The following MAGI1 variants were observed in gnomAD, a reference collection of about 807,000 sequenced individuals.
MAGI1 encodes membrane associated guanylate kinase, WW and PDZ domain containing 1, also known as membrane-associated guanylate kinase, WW and PDZ domain-containing protein 1.
MAGI1 carries 58 observed loss-of-function variants against 139.9 expected under a neutral mutation model. The observed-to-expected ratio is 0.41, with a 90% confidence interval of 0.34 to 0.52. The LOEUF is 0.52. Ranked by LOEUF, MAGI1 falls within the 20% of genes least tolerant of loss-of-function variation. MAGI1 has a pLI of 0.12. For missense variants in MAGI1, 1,874 were observed against 1,901.6 expected, an observed-to-expected ratio of 0.99 and a Z score of 0.27; for synonymous variants, 812 against 737.9, an observed-to-expected ratio of 1.10 and a Z score of -1.63.
chr3:65,461,346 G>A (rs963117021), intron 5 of MAGI1, among the ~76,000 whole-genome samples: 6 of 151,962 alleles, frequency 3.9e-5, no homozygotes, highest in African/African-American at 4.8e-5. Flanking sequence ...CTCCTGAGTA[G>A]CTGGAACTAT....
intron 1 of MAGI1, among the ~76,000 whole-genome samples, chr3:65,797,316 AC>A (rs905530410): frequency 3.9e-5 from 6 of 152,214 alleles, no homozygotes; most frequent in African/African-American, 1.4e-4. Context: ...GGGGCAGGAT[AC>A]CTGTAAAGAG....
At chr3:65,638,888 T>G (rs9855752) in intron 1 of MAGI1, among the ~76,000 whole-genome samples, 9,218 of 152,048 alleles carry the variant, frequency 0.061, 923 homozygotes, top group African/African-American at 0.21. Context: ...ATTACAAGCG[T>G]GAGCCACCAG....
chr3:65,783,505 T>C (rs1236888007), intron 1 of MAGI1, among the ~76,000 whole-genome samples: 1 of 151,752 alleles, frequency 6.6e-6, no homozygotes, highest in African/African-American at 2.4e-5. Flanking sequence ...AAAAAATTTG[T>C]CTTGAGACAG....
At chr3:65,401,372 TCCCACCTCCAGCCC>T in intron 13 of MAGI1, 53 bp downstream of exon 13, 1 of 778,302 alleles carries the variant, frequency 1.3e-6, no homozygotes, top group Non-Finnish European at 2.1e-6. Context: ...CAGAGTACCC[TCCCACCTCCAGCCC>T]CCCACCATCC....
At chr3:65,367,787 T>G (rs1941577478) in intron 18 of MAGI1, among the ~76,000 whole-genome samples, 1 of 152,190 alleles carries the variant, frequency 6.6e-6, no homozygotes, top group African/African-American at 2.4e-5. Flanking sequence ...GAATCATGTG[T>G]TGGTATTGAG....
intron 1 of MAGI1, among the ~76,000 whole-genome samples, chr3:65,671,987 G>T (rs940052147): frequency 6.6e-6 from 1 of 152,010 alleles, no homozygotes; most frequent in African/African-American, 2.4e-5. Context: ...ACTACAAAAA[G>T]GTTAGTTTCC....
At chr3:65,465,298 C>T (rs1478575102) in intron 5 of MAGI1, among the ~76,000 whole-genome samples, 1 of 150,318 alleles carries the variant, frequency 6.7e-6, no homozygotes, top group Non-Finnish European at 1.5e-5. Flanking sequence ...TATAGTTTTA[C>T]TTTCTCCATT....
At chr3:66,018,519 G>A (rs1237081840) in intron 1 of MAGI1, among the ~76,000 whole-genome samples, 3 of 152,140 alleles carry the variant, frequency 2.0e-5, no homozygotes, top group African/African-American at 4.8e-5. Context: ...AAGTGATCAA[G>A]GTCACACAGC....
chr3:65,417,449 G>A (rs1292456545), intron 12 of MAGI1, among the ~76,000 whole-genome samples: 1 of 151,350 alleles, frequency 6.6e-6, no homozygotes, highest in African/African-American at 2.4e-5. Context: ...ATTTTCACAT[G>A]GAACCAAAGT....
At position 65,356,643 on chromosome 3, in the gene MAGI1, T is replaced by C; in HGVS notation, c.4124A>G (p.Glu1375Gly). The C allele has an allele frequency of 6.3e-7, 1 of 1,587,040 alleles. No homozygotes were observed. The highest frequency in any genetic ancestry group is 1.1e-5 in the South Asian group (1 of 87,298). Residue 1375 changes from glutamate (E) to glycine (G), a missense_variant, in exon 23 of 23, where the codon GAG (glutamate) becomes GGG (glycine). By Grantham distance (98) the Glu-to-Gly change is moderately conservative. Coordinates refer to ENST00000402939, the MANE Select transcript of MAGI1 (RefSeq NM_001033057.2). The part of the protein sequence containing the change: ...GSPSRRRRSL[E>G]RLLEQRRSPE... ...GGACCTCCTCTGCTCCAGGAGTCTC[T>C]CCAGAGACCGTCTCCGCCGGCTGGG...
intron 1 of MAGI1, among the ~76,000 whole-genome samples, chr3:65,837,095 T>C (rs2042853215): frequency 6.6e-6 from 1 of 151,576 alleles, no homozygotes; most frequent in Non-Finnish European, 1.5e-5. Context: ...ACAGAAAAAA[T>C]GAAGGTTTTC....
At chr3:65,457,830 A>T (rs887159928) in intron 5 of MAGI1, among the ~76,000 whole-genome samples, 1 of 152,136 alleles carries the variant, frequency 6.6e-6, no homozygotes, top group African/African-American at 2.4e-5. Flanking sequence ...TTATTTTTAA[A>T]TGTACAATTA....
At chr3:65,976,914 G>A (rs1047746858) in intron 1 of MAGI1, among the ~76,000 whole-genome samples, 9 of 152,072 alleles carry the variant, frequency 5.9e-5, no homozygotes, top group Non-Finnish European at 7.3e-5. Context: ...CAGGTAGAAG[G>A]CATCCTCAAA....
rs760824531 is a variant in MAGI1, at chr3:65,478,615, G to A, written c.734C>T (p.Pro245Leu). ...ACCTGTAAAGCTGCTGTTCATTTCA[G>A]GAACGTCATCCTCCTCCTCATTCTC... ...HAENEEEDDV[P>L]EMNSSFTADS... Residue 245 changes from proline (P) to leucine (L), a missense_variant, in exon 4 of 23, where the codon CCT becomes CTT. Physicochemically the swap from Pro to Leu is moderately conservative, Grantham distance 98 (BLOSUM62 -3). Coordinates refer to ENST00000402939, the MANE Select transcript of MAGI1 (RefSeq NM_001033057.2). 1.9e-6 allele frequency: 3 copies of A among 1,614,020 alleles called. No individual in the cohort carries two copies. Among genetic ancestry groups the A allele is most frequent in the East Asian group, 4.5e-5 (2 of 44,870 alleles).
chr3:65,705,477 T>C (rs944415675), intron 1 of MAGI1, among the ~76,000 whole-genome samples: 3 of 152,248 alleles, frequency 2.0e-5, no homozygotes, highest in Non-Finnish European at 2.9e-5. Context: ...GTTTGTGTTA[T>C]GTGAATTTTA....
intron 1 of MAGI1, among the ~76,000 whole-genome samples, chr3:65,891,108 G>A (rs2060725193): frequency 6.6e-6 from 1 of 151,792 alleles, no homozygotes; most frequent in East Asian, 1.9e-4. Flanking sequence ...AGCTACTTGG[G>A]AGGCTGAGGT....
chr3:65,619,285 C>T (rs999537757), intron 2 of MAGI1, among the ~76,000 whole-genome samples: 1 of 152,188 alleles, frequency 6.6e-6, no homozygotes, highest in Admixed American at 6.5e-5. Context: ...ACCTGCATTT[C>T]CTTTGCCAGA....
intron 1 of MAGI1, among the ~76,000 whole-genome samples, chr3:65,775,263 T>C (rs2038281554): frequency 6.6e-6 from 1 of 151,412 alleles, no homozygotes; most frequent in Non-Finnish European, 1.5e-5. Flanking sequence ...CTGGGCAACA[T>C]GGCAAAACCC....
At chr3:65,495,807 A>C (rs1340829426) in intron 2 of MAGI1, among the ~76,000 whole-genome samples, 1 of 152,004 alleles carries the variant, frequency 6.6e-6, no homozygotes, top group Non-Finnish European at 1.5e-5. Context: ...GGTGATGGGG[A>C]ATGCATCCAG....
Sources: gnomAD v4.1 joint callset for allele counts (sites outside exome capture counted in the v4.1 genomes callset) on GRCh38, gnomAD v4.1.1 for gene constraint, MANE v1.5 for transcripts, NCBI Gene and HGNC (gene_info 2026-07-23, HGNC 2026-07-21) for gene names.